The following ENO2 variants were observed in gnomAD, a reference collection of about 807,000 sequenced individuals.
ENO2 encodes gamma-enolase.
A neutral mutation model predicts 48.7 loss-of-function variants in ENO2; 19 were observed. That is an observed-to-expected ratio of 0.39 (90% CI 0.27 to 0.57). ENO2 has a LOEUF of 0.57. ENO2 is among the 20% of genes least tolerant of loss of function. The probability of loss-of-function intolerance (pLI) is 0.58; values close to 1 mark genes in which losing one functional copy is unlikely to be tolerated. For missense variants in ENO2, 416 were observed against 555.0 expected (o/e 0.75, Z 2.52); for synonymous variants, 198 against 213.4 (o/e 0.93, Z 0.63).
intron 5 of ENO2, 55 bp from the exon 6 acceptor site, chr12:6,917,526 A>C: frequency 1.3e-6 from 2 of 1,575,772 alleles, no homozygotes; most frequent in Non-Finnish European, 1.7e-6. Flanking sequence ...TGGAGGCAGG[A>C]GCTAGAAAGG....
chr12:6,922,497 TC>T lies in ENO2; in HGVS notation c.1235+97del. 1 of 1,509,438 alleles carries T rather than the reference TC, an allele frequency of 6.6e-7. No homozygotes were observed. Among genetic ancestry groups the T allele is most frequent in the Admixed American group, 1.7e-5 (1 of 59,086 alleles). The allele number at this position is 1,509,438 out of a possible 1,614,324, so 93.5% of individuals were successfully genotyped here. A position where few individuals can be genotyped will look rare whatever the true frequency, so the allele number is the denominator to read the frequency against. On this transcript the variant is annotated intron_variant, in intron 11 of 11. Coordinates refer to ENST00000229277, the MANE Select transcript of ENO2 (RefSeq NM_001975.3). This position sits in a 1 kb window ranked among gnomAD's most constrained non-coding sequence, Gnocchi z 5.3. ...GTAGCACCAAGGGCCTGGATAACAG[TC>T]CATTTCCTGGATAACAGTCCAACAG...
intron 6 of ENO2, 79 bp from the exon 7 acceptor site, chr12:6,917,861 G>A (rs1417015683): frequency 1.2e-5 from 16 of 1,365,322 alleles, no homozygotes; most frequent in Non-Finnish European, 1.5e-5. Flanking sequence ...GCTGGGGGAA[G>A]TTTGGGATCT....
Position 6,915,830 on chromosome 12 carries a change from A to T in ENO2, c.-3A>T. On this transcript the variant is annotated 5_prime_UTR_variant, in exon 2 of 12. Transcript: ENST00000229277. The stretch of plus-strand genomic sequence containing the variant: ...CCTTCCACCCGAGGAGATCCCAGCC[A>T]TCATGTCCATAGAGAAGATCTGGGC... 6.2e-7 allele frequency: 1 copy of T among 1,605,476 alleles called. No individual in the cohort carries two copies. Among genetic ancestry groups the T allele is most frequent in the Non-Finnish European group, 8.5e-7 (1 of 1,175,088 alleles).
intron 7 of ENO2, among the ~76,000 whole-genome samples, chr12:6,919,294 T>G (rs782530222): frequency 6.6e-6 from 1 of 152,240 alleles, no homozygotes; most frequent in Non-Finnish European, 1.5e-5. Flanking sequence ...ATCTAGCTCA[T>G]GGTAGTGTGA....
At chr12:6,921,400 A>AG in intron 8 of ENO2, 181 bp from the exon 9 acceptor site, 1 of 629,422 alleles carries the variant, frequency 1.6e-6, no homozygotes, top group Non-Finnish European at 2.7e-6. Flanking sequence ...CAAAAAAAAA[A>AG]AAAAAGTTAA....
chr12:6,917,684 C>CA lies in ENO2; in HGVS notation c.414_415insA (p.Gly139ArgfsTer38). 1.4e-6 allele frequency: 2 copies of CA among 1,391,770 alleles called. No homozygotes were observed. Among genetic ancestry groups the CA allele is most frequent in the Non-Finnish European group, 1.9e-6 (2 of 1,039,056 alleles). 86.2% of individuals were successfully genotyped at this position (1,391,770 alleles called of 1,614,324 possible). ...TGTATCGCCACATTGCTCAGCTGGCCGGGAACTCAGACCTCATCCTGCCTG... is the reference window on the plus strand; with the variant it reads ...TGTATCGCCACATTGCTCAGCTGGCCAGGGAACTCAGACCTCATCCTGCCTG... On this transcript the variant is annotated frameshift_variant, in exon 6 of 12. Coordinates refer to ENST00000229277, the MANE Select transcript of ENO2 (RefSeq NM_001975.3). LOFTEE classifies it high-confidence loss of function.
At position 6,917,755 on chromosome 12, in the gene ENO2, G is replaced by C. The variant is rs2071418; in HGVS notation, c.444+41G>C. The C allele has an allele frequency of 1.5e-5, 24 of 1,564,492 alleles. No individual in the cohort carries two copies. The East Asian group carries it at 3.1e-4, about 20-fold the overall frequency. On this transcript the variant is annotated intron_variant, in intron 6 of 11. Coordinates refer to ENST00000229277, the MANE Select transcript of ENO2 (RefSeq NM_001975.3). ...GCCTGCGGCTCTCCCAGGGGCGGGTGGGGGAGGGAGCATGCAACTCATGAG... is the reference window on the plus strand; with the variant it reads ...GCCTGCGGCTCTCCCAGGGGCGGGTCGGGGAGGGAGCATGCAACTCATGAG...
intron 1 of ENO2, chr12:6,915,336 G>A (rs1396520424): frequency 5.7e-6 from 1 of 173,960 alleles, no homozygotes; most frequent in African/African-American, 2.3e-5. Context: ...GTGGGACCTT[G>A]GGGAAGGGGC....
Position 6,915,261 on chromosome 12 carries a change from C to T in ENO2, c.-12-560C>T, listed in dbSNP as rs546500255. The T allele has an allele frequency of 5.1e-5, 8 of 157,102 alleles. No homozygotes were observed. In the South Asian group the frequency reaches 1.5e-3, roughly 29 times the overall value. 9.7% of individuals were successfully genotyped at this position (157,102 alleles called of 1,614,324 possible). ...ACTGCAGGGCCTTTCTCAGGACCCT[C>T]TTCCCCGACACCTGTATTGCATGCG... On this transcript the variant is annotated intron_variant, in intron 1 of 11. Transcript: ENST00000229277.
chr12:6,921,758 G>T lies in ENO2; in HGVS notation c.1043G>T (p.Gly348Val). Residue 348 changes from glycine (G) to valine (V), a missense_variant, in exon 9 of 12, where the codon GGC becomes GTC. Gly to Val is a moderately radical substitution (Grantham distance 109). Coordinates refer to ENST00000229277, the MANE Select transcript of ENO2 (RefSeq NM_001975.3). ...CTGCTGCTCAAGGTCAACCAGATCG[G>T]CTCGGTCACTGAAGCCATCCAAGCG... ...NCLLLKVNQI[G>V]SVTEAIQACK... 6.2e-7 allele frequency: 1 copy of T among 1,614,124 alleles called. No homozygotes were observed. The highest frequency in any genetic ancestry group is 8.5e-7 in the Non-Finnish European group (1 of 1,180,032).
At chr12:6,920,159 T>C (rs781913715) in intron 8 of ENO2, among the ~76,000 whole-genome samples, 41 of 152,174 alleles carry the variant, frequency 2.7e-4, no homozygotes, top group African/African-American at 8.7e-4. Flanking sequence ...GAAAGAAGGC[T>C]GAGGGGGACT....
intron 8 of ENO2, 188 bp from the exon 9 acceptor site, chr12:6,921,390 CAAA>C (rs59941048): frequency 9.1e-4 from 448 of 493,946 alleles, no homozygotes; most frequent in South Asian, 1.2e-3. Flanking sequence ...GAGGCTCTGT[CAAA>C]AAAAAAAAAA....
chr12:6,917,418 C>G (rs1374430638), intron 5 of ENO2, 163 bp from the exon 6 acceptor site: 3 of 989,736 alleles, frequency 3.0e-6, no homozygotes, highest in Admixed American at 5.8e-5. Context: ...CATTCCTCTC[C>G]CTGCTGTTTT....
intron 2 of ENO2, 33 bp downstream of exon 2, chr12:6,915,950 C>G: frequency 6.2e-7 from 1 of 1,611,708 alleles, no homozygotes; most frequent in Non-Finnish European, 8.5e-7. Flanking sequence ...TCCTACAGCC[C>G]TAGCTTTTCC....
chr12:6,922,871 T>C lies in ENO2; in HGVS notation c.*71T>C, dbSNP rs918483133. ...GGAACCTTGCTGTCCTGATCTGTGATAGTTCACCCCCTGAGATCCCCTGAG... is the reference window on the plus strand; with the variant it reads ...GGAACCTTGCTGTCCTGATCTGTGACAGTTCACCCCCTGAGATCCCCTGAG... On this transcript the variant is annotated 3_prime_UTR_variant, in exon 12 of 12. Transcript: ENST00000229277. The surrounding 1 kb of genome is among the most constrained non-coding windows in gnomAD (Gnocchi z 5.3). 3.8e-6 allele frequency: 6 copies of C among 1,562,218 alleles called. No homozygotes were observed. The highest frequency in any genetic ancestry group is 4.4e-6 in the Non-Finnish European group (5 of 1,135,400).
chr12:6,921,554 C>T, intron 8 of ENO2, 27 bp from the exon 9 acceptor site: 1 of 1,610,868 alleles, frequency 6.2e-7, no homozygotes, highest in Non-Finnish European at 8.5e-7. Flanking sequence ...GAACACCTCC[C>T]CCCTCCCCAC....
rs1229656055 is a variant in ENO2, at chr12:6,917,384, G to T, written c.311-197G>T. ...TTAGAAAGAGGTGTGGCTCTCTGCC[G>T]TTTCCAATCTCCTCCTCCCCACCCA... On this transcript the variant is annotated intron_variant, in intron 5 of 11. Transcript: ENST00000229277. 1.4e-5 allele frequency: 11 copies of T among 786,072 alleles called. No individual in the cohort carries two copies. In the African/African-American group the frequency reaches 1.7e-4, roughly 12 times the overall value. The allele number at this position is 786,072 out of a possible 1,614,324, so 48.7% of individuals were successfully genotyped here. A position where few individuals can be genotyped will look rare whatever the true frequency, so the allele number is the denominator to read the frequency against.
chr12:6,917,645 G>A lies in ENO2; in HGVS notation c.375G>A (p.Glu125=), dbSNP rs11064463. The A allele has an allele frequency of 3.7e-6, 6 of 1,613,736 alleles. No individual in the cohort carries two copies. In the African/African-American group the frequency reaches 4.0e-5, roughly 11 times the overall value. The change falls in exon 6 of 12, where the codon GAG becomes GAA. Residue 125 remains glutamate (E), a synonymous_variant. Coordinates refer to ENST00000229277, the MANE Select transcript of ENO2 (RefSeq NM_001975.3). ...CCGTGTGTAAGGCAGGGGCAGCTGA[G>A]CGGGAACTGCCCCTGTATCGCCACA... The part of the protein sequence containing the change: ...SLAVCKAGAA[E]RELPLYRHIA...
intron 1 of ENO2, 115 bp from the exon 2 acceptor site, chr12:6,915,706 C>T: frequency 2.9e-6 from 1 of 340,196 alleles, no homozygotes; most frequent in Non-Finnish European, 5.9e-6. Flanking sequence ...CCACCCCCCA[C>T]CCACTGCAGT....
Sources: allele counts gnomAD v4.1 joint callset (sites outside exome capture counted in the v4.1 genomes callset), GRCh38; gene constraint gnomAD v4.1.1; non-coding constraint Gnocchi (gnomAD v3.1); transcripts MANE v1.5; gene names NCBI Gene and HGNC (gene_info 2026-07-23, HGNC 2026-07-21).